The following GPHN variants were observed in gnomAD, a reference collection of about 807,000 sequenced individuals.
The protein encoded by GPHN is gephyrin.
In GPHN, 17 loss-of-function variants were observed where a neutral mutation model predicts 95.5. That is an observed-to-expected ratio of 0.18 (90% CI 0.12 to 0.27). The LOEUF (loss-of-function observed/expected upper bound fraction) is 0.27. GPHN is among the 10% of genes least tolerant of loss of function. The probability of loss-of-function intolerance (pLI) is 1.00; values close to 1 mark genes in which losing one functional copy is unlikely to be tolerated. For synonymous variants in GPHN, 320 were observed against 322.5 expected (o/e 0.99, Z 0.08); for missense variants, 660 against 978.1 (o/e 0.67, Z 4.34).
chr14:67,343,868 C>T, the GPHN span, among the ~76,000 whole-genome samples: 12 of 152,142 alleles, frequency 7.9e-5, no homozygotes, highest in African/African-American at 2.9e-4. Flanking sequence ...CATAACAAAA[C>T]AAAAACAAAA....
the GPHN span, among the ~76,000 whole-genome samples, chr14:67,523,562 C>G: frequency 3.3e-5 from 5 of 152,282 alleles, no homozygotes; most frequent in East Asian, 9.7e-4. Context: ...CAAGTAATGG[C>G]TTTAGATTCT....
At chr14:67,683,937 T>C in the GPHN span, among the ~76,000 whole-genome samples, 2 of 152,242 alleles carry the variant, frequency 1.3e-5, no homozygotes, top group South Asian at 4.1e-4. Context: ...TTAGTTAATG[T>C]CATCATCAAC....
chr14:67,085,047 G>A (rs1281937609), intron 11 of GPHN, among the ~76,000 whole-genome samples: 1 of 152,162 alleles, frequency 6.6e-6, no homozygotes, highest in East Asian at 1.9e-4. Context: ...TAAAGTTTTG[G>A]TGGGTTGTAG....
chr14:67,073,586 T>C (rs1595036628), intron 11 of GPHN, among the ~76,000 whole-genome samples: 1 of 152,288 alleles, frequency 6.6e-6, no homozygotes, highest in African/African-American at 2.4e-5. Flanking sequence ...AGATGGAAGT[T>C]GTAGTGATAA....
chr14:66,872,705 G>T (rs918659846), intron 4 of GPHN, among the ~76,000 whole-genome samples: 2 of 151,966 alleles, frequency 1.3e-5, no homozygotes, highest in African/African-American at 4.8e-5. Context: ...AGACCAGCTT[G>T]GCCAACATGG....
At chr14:67,718,035 T>C in the GPHN span, among the ~76,000 whole-genome samples, 1 of 152,194 alleles carries the variant, frequency 6.6e-6, no homozygotes, top group Non-Finnish European at 1.5e-5. Flanking sequence ...TATTTTAGCT[T>C]TTAAAATCAA....
the GPHN span, chr14:67,695,929 T>C: frequency 1.8e-6 from 1 of 549,762 alleles, no homozygotes; most frequent in African/African-American, 1.9e-5. Flanking sequence ...CATCTAGGGC[T>C]TAGGGCCTGT....
chr14:66,756,465 G>A (rs937247367), intron 2 of GPHN, among the ~76,000 whole-genome samples: 3 of 151,988 alleles, frequency 2.0e-5, no homozygotes, highest in Non-Finnish European at 2.9e-5. Flanking sequence ...AACAGAACTC[G>A]AGCATCCTCT....
At chr14:67,334,417 T>A in the GPHN span, 1 of 152,680 alleles carries the variant, frequency 6.5e-6, no homozygotes, top group Non-Finnish European at 1.5e-5. Context: ...TGACTTTAGC[T>A]ACAGCATTTC....
the GPHN span, chr14:67,382,733 AC>A: frequency 1.0e-5 from 9 of 885,980 alleles, no homozygotes; most frequent in African/African-American, 1.7e-5. Context: ...TGTTAGGGTC[AC>A]CCCCCGTCCC....
the GPHN span, among the ~76,000 whole-genome samples, chr14:67,694,035 G>A: frequency 6.6e-6 from 1 of 152,084 alleles, no homozygotes; most frequent in East Asian, 1.9e-4. Flanking sequence ...TTCTCAGACT[G>A]GCCTATTCTC....
intron 1 of GPHN, among the ~76,000 whole-genome samples, chr14:66,680,098 G>C (rs2066854047): frequency 6.6e-6 from 1 of 152,148 alleles, no homozygotes; most frequent in African/African-American, 2.4e-5. Context: ...TCAAGTCTGG[G>C]TGGCAGCTTT....
chr14:66,636,135 T>TA, intron 1 of GPHN, among the ~76,000 whole-genome samples: 1 of 152,310 alleles, frequency 6.6e-6, no homozygotes, highest in South Asian at 2.1e-4. Flanking sequence ...TTTTGCAAAG[T>TA]ACAAAACTCC....
chr14:67,462,247 G>C, the GPHN span, among the ~76,000 whole-genome samples: 2 of 152,244 alleles, frequency 1.3e-5, no homozygotes, highest in Non-Finnish European at 2.9e-5. Flanking sequence ...AAAGAAGTCA[G>C]ATGTGTGGCA....
At chr14:67,063,624 T>C (rs2075915458) in intron 11 of GPHN, among the ~76,000 whole-genome samples, 2 of 152,226 alleles carry the variant, frequency 1.3e-5, no homozygotes, top group African/African-American at 2.4e-5. Flanking sequence ...TAATTTGTAG[T>C]TCTCCTTGAA....
chr14:67,571,693 G>T, the GPHN span: 1 of 1,571,290 alleles, frequency 6.4e-7, no homozygotes. Context: ...CAAGCTGCAG[G>T]GTTGGGAGAG....
chr14:66,910,850 G>C (rs752569605), intron 5 of GPHN, among the ~76,000 whole-genome samples: 1 of 151,824 alleles, frequency 6.6e-6, no homozygotes, highest in Non-Finnish European at 1.5e-5. Context: ...CTGTTAATTG[G>C]TCGTGACCTA....
chr14:67,437,251 G>GT, the GPHN span, among the ~76,000 whole-genome samples: 1,018 of 152,316 alleles, frequency 6.7e-3, 9 homozygotes, highest in African/African-American at 0.023. Flanking sequence ...GGAACTTGCA[G>GT]TCCATGGTGG....
chr14:67,085,734 C>A (rs756644087), intron 11 of GPHN, among the ~76,000 whole-genome samples: 1 of 152,140 alleles, frequency 6.6e-6, no homozygotes, highest in Non-Finnish European at 1.5e-5. Flanking sequence ...ACTATTTTAA[C>A]CATTTTTAAG....
Sources: allele counts gnomAD v4.1 joint callset (sites outside exome capture counted in the v4.1 genomes callset), GRCh38; gene constraint gnomAD v4.1.1; transcripts MANE v1.5; gene names NCBI Gene and HGNC (gene_info 2026-07-23, HGNC 2026-07-21).